The following ATM variants were observed in gnomAD, a reference collection of about 807,000 sequenced individuals.
The protein encoded by ATM is ATM serine/threonine kinase.
ATM carries 308 observed loss-of-function variants against 387.0 expected under a neutral mutation model. That is an observed-to-expected ratio of 0.80 (90% CI 0.73 to 0.87). ATM has a LOEUF of 0.87. Among genes scored for constraint, ATM ranks in the 40% least tolerant of loss-of-function variants. The pLI, the probability that ATM is intolerant of heterozygous loss-of-function variation, is 0.00. For synonymous variants in ATM, 1,156 were observed against 1,187.3 expected, an observed-to-expected ratio of 0.97 and a Z score of 0.54; for missense variants, 3,312 against 3,560.9, an observed-to-expected ratio of 0.93 and a Z score of 1.78.
intron 36 of ATM, among the ~76,000 whole-genome samples, chr11:108,304,148 A>G (rs1039868151): frequency 6.6e-6 from 1 of 152,212 alleles, no homozygotes; most frequent in Non-Finnish European, 1.5e-5. Flanking sequence ...GGAATATACC[A>G]CAAATAATTA....
intron 13 of ATM, among the ~76,000 whole-genome samples, chr11:108,254,446 A>G (rs1440285810): frequency 6.6e-6 from 1 of 152,184 alleles, no homozygotes; most frequent in Non-Finnish European, 1.5e-5. Context: ...AGTAAAGACA[A>G]TAAATGGACT....
chr11:108,292,518 G>T, intron 29 of ATM, 101 bp from the exon 30 acceptor site: 1 of 1,369,620 alleles, frequency 7.3e-7, no homozygotes, highest in South Asian at 1.2e-5. Flanking sequence ...AGGCATATAA[G>T]AATTAGAGAT....
At chr11:108,248,198 C>G (rs748273199) in intron 8 of ATM, among the ~76,000 whole-genome samples, 10 of 152,142 alleles carry the variant, frequency 6.6e-5, no homozygotes, top group Non-Finnish European at 1.2e-4. Flanking sequence ...CATCCATCAC[C>G]TGATGGCCTA....
intron 22 of ATM, among the ~76,000 whole-genome samples, chr11:108,278,148 C>T (rs1317669256): frequency 6.6e-6 from 1 of 152,142 alleles, no homozygotes; most frequent in Non-Finnish European, 1.5e-5. Context: ...GTTCAGCAGT[C>T]ACATAAAGTA....
Position 108,330,203 on chromosome 11 carries a change from T to C in ATM, c.7308-11T>C, listed in dbSNP as rs1565529149. ...TGGCTTTTGTGTTTTACCTTAATTA[T>C]TCTATGCAAGATACACAGTAAAGGT... On this transcript the variant is annotated splice_polypyrimidine_tract_variant and intron_variant, in intron 49 of 62. Coordinates refer to ENST00000675843, the MANE Select transcript of ATM (RefSeq NM_000051.4). 6.2e-7 allele frequency: 1 copy of C among 1,612,362 alleles called. No homozygotes were observed. Among genetic ancestry groups the C allele is most frequent in the Non-Finnish European group, 8.5e-7 (1 of 1,178,628 alleles).
At chr11:108,258,413 C>T (rs1245834655) in intron 15 of ATM, among the ~76,000 whole-genome samples, 1 of 151,942 alleles carries the variant, frequency 6.6e-6, no homozygotes, top group East Asian at 1.9e-4. Flanking sequence ...ATTTTTTGAC[C>T]CAAACTATGT....
At chr11:108,256,676 C>A (rs1342757318) in intron 14 of ATM, among the ~76,000 whole-genome samples, 2 of 152,074 alleles carry the variant, frequency 1.3e-5, no homozygotes, top group Non-Finnish European at 2.9e-5. Context: ...TAGCCCCCGA[C>A]CCCCTGTCAG....
rs563140198 is a variant in ATM, at chr11:108,273,331, C to CTTTTTT, written c.3284+501_3284+506dup. Among the ~76,000 whole-genome samples the CTTTTTT allele has an allele frequency of 9.9e-5, 8 of 80,660 alleles. 2 individuals carry two copies. Among genetic ancestry groups the CTTTTTT allele is most frequent in the African/African-American group, 2.9e-4 (5 of 17,518 alleles). The allele number at this position is 80,660 out of a possible 152,430, so 52.9% of individuals were successfully genotyped here. On this transcript the variant is annotated intron_variant, in intron 22 of 62. Transcript: ENST00000675843. ...GGAATAAACATATATTAATTTCATT[C>CTTTTTT]TTTTTTTTTTTTTTTTTTTTTTTTT...
In ATM at chr11:108,271,363, A is replaced by T. The variant is rs752615128; in HGVS notation, c.3034A>T (p.Arg1012Trp). 1 of 1,614,100 alleles carries T rather than the reference A, an allele frequency of 6.2e-7. No individual in the cohort carries two copies. The highest frequency in any genetic ancestry group is 8.5e-7 in the Non-Finnish European group (1 of 1,179,996). The change falls in exon 20 of 63, where the codon AGG (arginine) becomes TGG (tryptophan). Residue 1012 changes from arginine to tryptophan, a missense_variant. This residue lies in a region of ATM where 1,791 missense variants were observed against 1,804.5 expected (regional missense o/e 0.99). Transcript: ENST00000675843. Reference protein sequence around the residue: ...GQSNMDSENTRDAQGQFLTVI... With the variant: ...GQSNMDSENTWDAQGQFLTVI... ...AAGCAATATGGACTCTGAGAACACAAGGGATGCTCAAGGACAGTTTCTTAC... is the reference window on the plus strand; with the variant it reads ...AAGCAATATGGACTCTGAGAACACATGGGATGCTCAAGGACAGTTTCTTAC...
chr11:108,341,731 C>T (rs2087607574), intron 56 of ATM, among the ~76,000 whole-genome samples: 1 of 152,054 alleles, frequency 6.6e-6, no homozygotes, highest in African/African-American at 2.4e-5. Flanking sequence ...ATGAAGAATA[C>T]AATGATATTC....
chr11:108,315,863 A>T lies in ATM; in HGVS notation c.6047A>T (p.Asp2016Val), dbSNP rs587781302. 6.2e-7 allele frequency: 1 copy of T among 1,613,578 alleles called. No homozygotes were observed. Among genetic ancestry groups the T allele is most frequent in the African/African-American group, 1.3e-5 (1 of 75,032 alleles). ...LEIYRSIGEP[D>V]SLYGCGGGKM... is the part of the protein sequence containing the mutation. The stretch of plus-strand genomic sequence containing the variant: ...ATCTACAGAAGTATAGGGGAGCCAG[A>T]TAGTTTGTATGGCTGTGGTGGAGGG... Residue 2016 changes from aspartate to valine, a missense_variant, in exon 41 of 63, where the codon GAT (aspartate) becomes GTT (valine). Transcript: ENST00000675843.
chr11:108,289,560 A>G (rs1423201502), intron 28 of ATM, 42 bp from the exon 29 acceptor site: 2 of 1,448,612 alleles, frequency 1.4e-6, no homozygotes, highest in African/African-American at 2.8e-5. Flanking sequence ...GTAGCCGAGT[A>G]TCTAATTAAA....
At chr11:108,335,148 A>G (rs2136668586) in intron 55 of ATM, 39 bp downstream of exon 55, 2 of 1,613,180 alleles carry the variant, frequency 1.2e-6, no homozygotes, top group Non-Finnish European at 1.7e-6. Flanking sequence ...TTAGAGTTTT[A>G]GTGATGAAAA....
Position 108,272,603 on chromosome 11 carries a change from T to G in ATM, c.3149T>G (p.Leu1050Arg), listed in dbSNP as rs1555085890. The G allele has an allele frequency of 1.2e-6, 2 of 1,613,796 alleles. No individual in the cohort carries two copies. The highest frequency in any genetic ancestry group is 1.7e-6 in the Non-Finnish European group (2 of 1,179,752). Residue 1050 changes from leucine (L) to arginine (R), a missense_variant, in exon 21 of 63, where the codon CTT becomes CGT. Around this residue, in one of 4 missense-constraint regions of ATM, gnomAD observed 1,791 missense variants for 1,804.5 expected, o/e 0.99. Coordinates refer to ENST00000675843, the MANE Select transcript of ATM (RefSeq NM_000051.4). ...MALVNCLKTL[L>R]EADPYSKWAI... is the part of the protein sequence containing the mutation. ...CTAGTAAATTGCCTTAAAACTTTGC[T>G]TGAGGTGAGTTTTTGCATTTTTTTA...
intron 37 of ATM, 128 bp downstream of exon 37, chr11:108,304,980 T>A: frequency 8.6e-7 from 1 of 1,164,780 alleles, no homozygotes; most frequent in Non-Finnish European, 1.2e-6. Flanking sequence ...TTTCTTCATC[T>A]ATGGAATGGA....
intron 42 of ATM, among the ~76,000 whole-genome samples, chr11:108,316,688 T>A (rs1159604344): frequency 5.5e-5 from 8 of 144,452 alleles, no homozygotes; most frequent in African/African-American, 2.1e-4. Context: ...GGCGAGCAGA[T>A]CACGAGGTCA....
chr11:108,243,961 T>A lies in ATM; in HGVS notation c.505T>A (p.Ser169Thr). 6.3e-7 allele frequency: 1 copy of A among 1,582,836 alleles called. No homozygotes were observed. The highest frequency in any genetic ancestry group is 8.6e-7 in the Non-Finnish European group (1 of 1,162,482). Residue 169 changes from serine to threonine, a missense_variant, in exon 6 of 63, where the codon TCT becomes ACT. Ser to Thr is a moderately conservative substitution (Grantham distance 58). Around this residue, in one of 4 missense-constraint regions of ATM, gnomAD observed 1,791 missense variants for 1,804.5 expected, o/e 0.99. Transcript: ENST00000675843. ...ISQQQWLELF[S>T]VYFRLYLKPS... ...TTTTTTTTTTTTTTAAGAATTGTTC[T>A]CTGTGTACTTCAGGCTCTATCTGAA... is the stretch of plus-strand genomic sequence containing the variant.
In ATM at chr11:108,223,136, C is replaced by G. The variant is rs1202330220; in HGVS notation, c.-81C>G. 5.6e-6 allele frequency: 1 copy of G among 177,654 alleles called. No individual in the cohort carries two copies. The highest frequency in any genetic ancestry group is 2.4e-5 in the African/African-American group (1 of 41,776). 11.0% of individuals were successfully genotyped at this position (177,654 alleles called of 1,614,324 possible). On this transcript the variant is annotated 5_prime_UTR_variant, in exon 1 of 63. Transcript: ENST00000675843. ...AGGAGGCGAGAGGAGTCGGGATCTGCGCTGCAGCCACCGCCGCGGTTGATA... is the reference window on the plus strand; with the variant it reads ...AGGAGGCGAGAGGAGTCGGGATCTGGGCTGCAGCCACCGCCGCGGTTGATA...
At chr11:108,300,357 A>G (rs1191018715) in intron 34 of ATM, among the ~76,000 whole-genome samples, 3 of 152,230 alleles carry the variant, frequency 2.0e-5, no homozygotes, top group Non-Finnish European at 4.4e-5. Context: ...TTCTCTGTGC[A>G]AAGCAGAATT....
Sources: allele counts gnomAD v4.1 joint callset (sites outside exome capture counted in the v4.1 genomes callset), GRCh38; gene constraint gnomAD v4.1.1; regional missense constraint gnomAD v4.1.1; transcripts MANE v1.5; gene names NCBI Gene and HGNC (gene_info 2026-07-23, HGNC 2026-07-21).